The following RNF220 variants were observed in gnomAD, a reference collection of about 807,000 sequenced individuals.
RNF220 encodes E3 ubiquitin-protein ligase RNF220.
In RNF220, 7 loss-of-function variants were observed where a neutral mutation model predicts 67.1. The observed-to-expected ratio is 0.10, with a 90% confidence interval of 0.06 to 0.20. The LOEUF is 0.20. Ranked by LOEUF, RNF220 falls within the 10% of genes least tolerant of loss-of-function variation. The pLI is 1.00. For synonymous variants in RNF220, 270 were observed against 283.2 expected (o/e 0.95, Z 0.47); for missense variants, 565 against 740.3 (o/e 0.76, Z 2.75).
chr1:44,442,806 C>G (rs528855487), intron 2 of RNF220, among the ~76,000 whole-genome samples: 1 of 152,248 alleles, frequency 6.6e-6, no homozygotes, highest in Non-Finnish European at 1.5e-5. Flanking sequence ...CATGAGCCAC[C>G]ATGCCTGGCC....
At position 44,412,640 on chromosome 1, in the gene RNF220, C is replaced by T. The variant is rs1403802956; in HGVS notation, c.543C>T (p.Asp181=). ...CCCCCGGTTCACTAAAGGTTGATGA[C>T]ACTGGGAAGAAGATTTTTGCTGTCT... The part of the protein sequence containing the change: ...SSSPGSLKVD[D]TGKKIFAVSG... The change falls in exon 2 of 15, where the codon GAC becomes GAT. Residue 181 remains aspartate (D), a synonymous_variant. Coordinates refer to ENST00000361799, the MANE Select transcript of RNF220 (RefSeq NM_018150.4). The surrounding 1 kb of genome is among the most constrained non-coding windows in gnomAD (Gnocchi z 5.3). 4.3e-6 allele frequency: 7 copies of T among 1,614,060 alleles called. No individual in the cohort carries two copies. Among genetic ancestry groups the T allele is most frequent in the Non-Finnish European group, 5.9e-6 (7 of 1,180,034 alleles).
rs558247868 is a variant in RNF220, at chr1:44,599,211, CAAAG to C, written c.626-14952_626-14949del. The stretch of plus-strand genomic sequence containing the variant: ...AAAAAAATTAAATAAATAAATAAAA[CAAAG>C]AGCTCAGAATCTCCCAGACAAGACA... On this transcript the variant is annotated intron_variant, in intron 2 of 14. Coordinates refer to ENST00000361799, the MANE Select transcript of RNF220 (RefSeq NM_018150.4). Among the ~76,000 whole-genome samples the C allele has an allele frequency of 1.2e-3, 184 of 152,200 alleles. 1 individual carries two copies. Among genetic ancestry groups the C allele is most frequent in the Admixed American group, 2.4e-3 (36 of 15,290 alleles).
intron 2 of RNF220, among the ~76,000 whole-genome samples, chr1:44,495,041 C>T (rs1432370531): frequency 6.6e-6 from 1 of 152,020 alleles, no homozygotes; most frequent in East Asian, 1.9e-4. Flanking sequence ...CGCAAGACCT[C>T]ATCTCTACCA....
At chr1:44,437,851 G>A (rs1021541364) in intron 2 of RNF220, among the ~76,000 whole-genome samples, 1 of 152,166 alleles carries the variant, frequency 6.6e-6, no homozygotes, top group African/African-American at 2.4e-5. Flanking sequence ...TTTGAATCCT[G>A]ATTCAATCCA....
intron 2 of RNF220, among the ~76,000 whole-genome samples, chr1:44,530,103 C>CT (rs1274052328): frequency 2.0e-5 from 3 of 151,786 alleles, no homozygotes; most frequent in Admixed American, 1.3e-4. Flanking sequence ...CAACAACATA[C>CT]TTTTTTTGTG....
intron 2 of RNF220, among the ~76,000 whole-genome samples, chr1:44,508,995 T>G (rs986504138): frequency 1.3e-5 from 2 of 152,140 alleles, no homozygotes; most frequent in African/African-American, 4.8e-5. Context: ...AGGGGTCTTT[T>G]TCAGTTGTCC....
chr1:44,438,367 C>A (rs1651193840), intron 2 of RNF220, among the ~76,000 whole-genome samples: 1 of 152,184 alleles, frequency 6.6e-6, no homozygotes, highest in Admixed American at 6.5e-5. Context: ...AAGCGATCTT[C>A]CTTCCTTGAC....
At chr1:44,463,534 G>C (rs1653987327) in intron 2 of RNF220, among the ~76,000 whole-genome samples, 1 of 150,240 alleles carries the variant, frequency 6.7e-6, no homozygotes, top group Non-Finnish European at 1.5e-5. Context: ...TTGTAATTTT[G>C]TTTCTTTTTT....
chr1:44,458,868 A>G (rs970378518), intron 2 of RNF220, among the ~76,000 whole-genome samples: 5 of 152,246 alleles, frequency 3.3e-5, no homozygotes, highest in African/African-American at 1.2e-4. Flanking sequence ...CACTGTGTCC[A>G]TTAACTGGAA....
intron 2 of RNF220, among the ~76,000 whole-genome samples, chr1:44,459,168 T>C (rs1170783164): frequency 1.3e-5 from 2 of 150,690 alleles, no homozygotes; most frequent in African/African-American, 2.4e-5. Context: ...ACTTTTACCA[T>C]GGTGATTCTT....
At chr1:44,601,082 T>C (rs1350956700) in intron 2 of RNF220, among the ~76,000 whole-genome samples, 1 of 152,204 alleles carries the variant, frequency 6.6e-6, no homozygotes, top group Admixed American at 6.5e-5. Flanking sequence ...CATAAGGACA[T>C]GGATCTCATT....
At chr1:44,542,905 C>T (rs1243300514) in intron 2 of RNF220, among the ~76,000 whole-genome samples, 2 of 151,938 alleles carry the variant, frequency 1.3e-5, no homozygotes, top group African/African-American at 2.4e-5. Flanking sequence ...GGAGGGTCTG[C>T]GCCTCCCCTC....
rs1286754425 is a variant in RNF220, at chr1:44,645,240, C to T, written c.1330C>T (p.Arg444Cys). ...CTCCAGTGGCGGCCCTCCCAGCACGCGCATCACACCTGAGTTCTCTAAATG... is the reference window on the plus strand; with the variant it reads ...CTCCAGTGGCGGCCCTCCCAGCACGTGCATCACACCTGAGTTCTCTAAATG... ...AVLNGGPPST[R>C]ITPEFSKWAS... The change falls in exon 11 of 15, where the codon CGC (arginine) becomes TGC (cysteine). Residue 444 changes from arginine (R) to cysteine (C), a missense_variant. Transcript: ENST00000361799. This position sits in a 1 kb window ranked among gnomAD's most constrained non-coding sequence, Gnocchi z 5.0. 1.2e-6 allele frequency: 2 copies of T among 1,614,066 alleles called. No homozygotes were observed. Among genetic ancestry groups the T allele is most frequent in the Non-Finnish European group, 1.7e-6 (2 of 1,180,008 alleles).
intron 2 of RNF220, among the ~76,000 whole-genome samples, chr1:44,543,434 G>A (rs1488818742): frequency 9.2e-5 from 14 of 152,154 alleles, no homozygotes; most frequent in Non-Finnish European, 1.2e-4. Context: ...ATAGGAGAAA[G>A]TAAGTCTTCC....
chr1:44,465,079 G>A (rs1654147466), intron 2 of RNF220, among the ~76,000 whole-genome samples: 1 of 152,156 alleles, frequency 6.6e-6, no homozygotes, highest in South Asian at 2.1e-4. Flanking sequence ...ATAAATTAAT[G>A]TGAAAAGAAA....
In RNF220 at chr1:44,650,798, C is replaced by T. The variant is rs186111768; in HGVS notation, c.*23C>T. The T allele has an allele frequency of 3.9e-3, 6,279 of 1,610,472 alleles. 19 individuals are homozygous for T. The highest frequency in any genetic ancestry group is 4.7e-3 in the Non-Finnish European group (5,584 of 1,178,524). On this transcript the variant is annotated 3_prime_UTR_variant, in exon 15 of 15. Coordinates refer to ENST00000361799, the MANE Select transcript of RNF220 (RefSeq NM_018150.4). This position sits in a 1 kb window ranked among gnomAD's most constrained non-coding sequence, Gnocchi z 4.3. ...TGAGCTATCTGCCCCAGGCAGGCCTCGCCTCCAGCAGCCCCACCTGCCCCC... is the reference window on the plus strand; with the variant it reads ...TGAGCTATCTGCCCCAGGCAGGCCTTGCCTCCAGCAGCCCCACCTGCCCCC...
At chr1:44,626,676 C>G in intron 5 of RNF220, 1 of 417,704 alleles carries the variant, frequency 2.4e-6, no homozygotes, top group Non-Finnish European at 4.3e-6. Context: ...AGGAAGTATC[C>G]TATGGGGTTT....
chr1:44,412,827 C>G lies in RNF220; in HGVS notation c.625+105C>G. ...TGCATGCTCCTAGTAATAGGAAGGG[C>G]CAACTACTTCCCTTTCACTAGCTGT... On this transcript the variant is annotated intron_variant, in intron 2 of 14. Transcript: ENST00000361799. This position sits in a 1 kb window ranked among gnomAD's most constrained non-coding sequence, Gnocchi z 5.3. 7.8e-7 allele frequency: 1 copy of G among 1,274,616 alleles called. No homozygotes were observed. Among genetic ancestry groups the G allele is most frequent in the Non-Finnish European group, 1.1e-6 (1 of 913,926 alleles). 79.0% of individuals were successfully genotyped at this position (1,274,616 alleles called of 1,614,324 possible). A position where few individuals can be genotyped will look rare whatever the true frequency, so the allele number is the denominator to read the frequency against.
At chr1:44,411,537 G>A (rs1264434941) in intron 1 of RNF220, among the ~76,000 whole-genome samples, 2 of 152,112 alleles carry the variant, frequency 1.3e-5, no homozygotes, top group Non-Finnish European at 2.9e-5. Context: ...ATGAAGAGAG[G>A]ATGCATATGT....
Sources: gnomAD v4.1 joint callset for allele counts (sites outside exome capture counted in the v4.1 genomes callset) on GRCh38, gnomAD v4.1.1 for gene constraint, Gnocchi (gnomAD v3.1) non-coding constraint, MANE v1.5 for transcripts, NCBI Gene and HGNC (gene_info 2026-07-23, HGNC 2026-07-21) for gene names.